CTDP1: variants seen among roughly 807,000 people sequenced by gnomAD.
CTDP1 encodes the protein RNA polymerase II subunit A C-terminal domain phosphatase.
A neutral mutation model predicts 91.8 loss-of-function variants in CTDP1; 47 were observed. That is an observed-to-expected ratio of 0.51 (90% confidence interval 0.41 to 0.65). The LOEUF (loss-of-function observed/expected upper bound fraction) is 0.65, where lower values mean the gene tolerates loss of function less well. CTDP1 is among the 30% of genes least tolerant of loss of function. The probability of loss-of-function intolerance (pLI) is 0.00; values close to 1 mark genes in which losing one functional copy is unlikely to be tolerated. For synonymous variants in CTDP1, 656 were observed against 598.5 expected (o/e 1.10, Z -1.40); for missense variants, 1,272 against 1,373.7 (o/e 0.93, Z 1.17).
chr18:79,711,639 A>C (rs1476415163), intron 6 of CTDP1, among the ~76,000 whole-genome samples: 1 of 152,062 alleles, frequency 6.6e-6, no homozygotes, highest in Admixed American at 6.5e-5. Context: ...TTTTCTTAGG[A>C]GCTTGCTTGT....
Position 79,717,997 on chromosome 18 carries a change from C to G in CTDP1, c.2398C>G (p.Gln800Glu). Reference sequence around the variant, plus strand: ...ACCCTCCAGCTCCCTACCCATCCGCCAGGAGCCCTCTTCCTTCAGGTACGT... The same window carrying G: ...ACCCTCCAGCTCCCTACCCATCCGCGAGGAGCCCTCTTCCTTCAGGTACGT... ...PAPSSSLPIR[Q>E]EPSSFRAVPP... Residue 800 changes from glutamine (Q) to glutamate (E), a missense_variant, in exon 10 of 13, where the codon CAG becomes GAG. Physicochemically the swap from Gln to Glu is conservative, Grantham distance 29. Around this residue, in one of 3 missense-constraint regions of CTDP1, gnomAD observed 881 missense variants for 911.6 expected, o/e 0.97. Transcript: ENST00000613122. The G allele has an allele frequency of 6.2e-7, 1 of 1,613,398 alleles. No homozygotes were observed. Among genetic ancestry groups the G allele is most frequent in the Non-Finnish European group, 8.5e-7 (1 of 1,179,910 alleles).
In CTDP1 at chr18:79,715,172, C is replaced by T. The variant is rs1222636213; in HGVS notation, c.1712C>T (p.Ser571Phe). 4 of 1,613,260 alleles carry T rather than the reference C, an allele frequency of 2.5e-6. No individual in the cohort carries two copies. Among genetic ancestry groups the T allele is most frequent in the Non-Finnish European group, 3.4e-6 (4 of 1,179,838 alleles). Residue 571 changes from serine (S) to phenylalanine (F), a missense_variant, in exon 8 of 13, where the codon TCC (serine) becomes TTC (phenylalanine). Coordinates refer to ENST00000613122, the MANE Select transcript of CTDP1 (RefSeq NM_004715.5). ...SELSGVTAGE[S>F]LDQSMEEEEE... ...CTGTCGGGGGTCACTGCGGGTGAGT[C>T]CCTGGACCAGAGCATGGAGGAGGAG...
chr18:79,756,183 A>G (rs1322908099), downstream of CTDP1: 1 of 152,356 alleles, frequency 6.6e-6, no homozygotes, highest in African/African-American at 2.4e-5. Flanking sequence ...ATCCACATTG[A>G]TAGCTTAAAA....
intron 6 of CTDP1, among the ~76,000 whole-genome samples, chr18:79,712,567 CCA>C (rs913166829): frequency 3.0e-4 from 46 of 152,354 alleles, no homozygotes; most frequent in African/African-American, 1.1e-3. Context: ...CAGGCATTAG[CCA>C]CACAGCGCCT....
At chr18:79,690,019 TC>T (rs1410623861) in intron 1 of CTDP1, among the ~76,000 whole-genome samples, 4 of 152,062 alleles carry the variant, frequency 2.6e-5, no homozygotes, top group Non-Finnish European at 4.4e-5. Flanking sequence ...CTCCAACAAA[TC>T]CTGCTGCTTC....
At chr18:79,732,632 C>G (rs1385650108) in intron 11 of CTDP1, among the ~76,000 whole-genome samples, 1 of 150,752 alleles carries the variant, frequency 6.6e-6, no homozygotes, top group African/African-American at 2.4e-5. Context: ...AGGAGTGCTC[C>G]CAAAATCACG....
At chr18:79,736,591 C>A (rs997175234) in intron 12 of CTDP1, 70 bp downstream of exon 12, 8 of 1,393,928 alleles carry the variant, frequency 5.7e-6, no homozygotes, top group Non-Finnish European at 6.7e-6. Context: ...GTTGGTGGGC[C>A]GCCTACCTGC....
At chr18:79,679,292 G>A (rs1458809916), upstream of CTDP1, 8 of 410,200 alleles carry the variant, frequency 2.0e-5, no homozygotes, top group Admixed American at 9.9e-5. Flanking sequence ...GTCCGGGGGG[G>A]GACACGAGGC....
chr18:79,693,701 G>C (rs917247764), intron 1 of CTDP1, among the ~76,000 whole-genome samples: 1 of 152,126 alleles, frequency 6.6e-6, no homozygotes, highest in Admixed American at 6.5e-5. Flanking sequence ...TCGGAGCCCC[G>C]CACCGTGTGT....
Position 79,696,050 on chromosome 18 carries a change from G to A in CTDP1, c.472G>A (p.Glu158Lys), listed in dbSNP as rs140628056. 17 of 1,612,120 alleles carry A rather than the reference G, an allele frequency of 1.1e-5. No homozygotes were observed. The highest frequency in any genetic ancestry group is 1.3e-5 in the Non-Finnish European group (15 of 1,180,002). The change falls in exon 3 of 13, where the codon GAG becomes AAG. Residue 158 changes from glutamate (E) to lysine (K), a missense_variant. Coordinates refer to ENST00000613122, the MANE Select transcript of CTDP1 (RefSeq NM_004715.5). ...CGTGTCCATGGTGCACAGCGTGCCG[G>A]AGTTGATGGTGAGCTCCGAGGTGAG... ...ATVSMVHSVP[E>K]LMVSSEQAEQ...
chr18:79,720,302 TTGTGTCCTGGTGATGCTGTCACCTCC>T (rs1343817951), intron 10 of CTDP1, among the ~76,000 whole-genome samples: 1 of 9,740 alleles, frequency 1.0e-4, no homozygotes, highest in Non-Finnish European at 2.8e-4. Context: ...TCACCTCCTA[TTGTGTCCTGGTGATGCTGTCACCTCC>T]CGTCATTAGG....
chr18:79,734,980 A>C (rs555275354), intron 11 of CTDP1, among the ~76,000 whole-genome samples: 73 of 152,294 alleles, frequency 4.8e-4, no homozygotes, highest in Non-Finnish European at 8.7e-4. Context: ...TCTGCCTTTT[A>C]ATGATTCAGG....
At chr18:79,681,232 GC>G (rs1468468905) in intron 1 of CTDP1, among the ~76,000 whole-genome samples, 1 of 152,234 alleles carries the variant, frequency 6.6e-6, no homozygotes, top group African/African-American at 2.4e-5. Context: ...GAACGTCCTG[GC>G]TCCGCTTCCT....
At chr18:79,738,638 G>A (rs187728224) in intron 12 of CTDP1, among the ~76,000 whole-genome samples, 83 of 152,346 alleles carry the variant, frequency 5.4e-4, no homozygotes, top group Non-Finnish European at 1.1e-3. Flanking sequence ...AGAAAAGAGC[G>A]TAACTCATTC....
chr18:79,697,416 G>A (rs571487364), intron 3 of CTDP1, among the ~76,000 whole-genome samples: 1 of 152,208 alleles, frequency 6.6e-6, no homozygotes, highest in Non-Finnish European at 1.5e-5. Context: ...GTCTCTTCGA[G>A]GCACAAGAAT....
intron 1 of CTDP1, among the ~76,000 whole-genome samples, chr18:79,694,030 T>C (rs1313380496): frequency 6.6e-6 from 1 of 152,186 alleles, no homozygotes; most frequent in Non-Finnish European, 1.5e-5. Context: ...CTCGATGACA[T>C]GGCTGGGGGT....
intron 12 of CTDP1, among the ~76,000 whole-genome samples, chr18:79,741,801 G>A (rs1006213119): frequency 1.3e-5 from 2 of 152,186 alleles, no homozygotes; most frequent in Non-Finnish European, 2.9e-5. Context: ...AGGGAATAGT[G>A]CTCCACCAGA....
intron 1 of CTDP1, among the ~76,000 whole-genome samples, chr18:79,684,645 C>G (rs1417337884): frequency 6.6e-6 from 1 of 152,176 alleles, no homozygotes; most frequent in Non-Finnish European, 1.5e-5. Context: ...GGTCCGTGCC[C>G]TCGTTGCCTG....
chr18:79,741,644 G>T (rs1262228769), intron 12 of CTDP1, among the ~76,000 whole-genome samples: 1 of 152,218 alleles, frequency 6.6e-6, no homozygotes, highest in Non-Finnish European at 1.5e-5. Context: ...CCTGACACGA[G>T]TACCCAGATC....
Sources: allele counts gnomAD v4.1 joint callset (sites outside exome capture counted in the v4.1 genomes callset), GRCh38; gene constraint gnomAD v4.1.1; regional missense constraint gnomAD v4.1.1; transcripts MANE v1.5; gene names NCBI Gene and HGNC (gene_info 2026-07-23, HGNC 2026-07-21).